Variants in B3GAT2 observed in about 807,000 individuals in gnomAD.
The protein encoded by B3GAT2 is beta-1,3-glucuronyltransferase 2.
In B3GAT2, 26 loss-of-function variants were observed where a neutral mutation model predicts 27.8. The observed-to-expected ratio is 0.93, with a 90% CI of 0.68 to 1.30. B3GAT2 has a LOEUF of 1.30. Among genes scored for constraint, B3GAT2 ranks in the 50% most tolerant of loss-of-function variants. B3GAT2 has a pLI of 0.00. For missense variants in B3GAT2, 458 were observed against 459.0 expected, an observed-to-expected ratio of 1.00 and a Z score of 0.02; for synonymous variants, 218 against 195.1, an observed-to-expected ratio of 1.12 and a Z score of -0.98.
At chr6:70,913,564 G>T (rs888317753) in intron 1 of B3GAT2, among the ~76,000 whole-genome samples, 1 of 152,088 alleles carries the variant, frequency 6.6e-6, no homozygotes, top group Non-Finnish European at 1.5e-5. Flanking sequence ...TGGTCCAAGA[G>T]TGTGGTTAGT....
At chr6:70,872,390 T>C (rs1333835437) in intron 2 of B3GAT2, among the ~76,000 whole-genome samples, 2 of 151,970 alleles carry the variant, frequency 1.3e-5, no homozygotes, top group Non-Finnish European at 2.9e-5. Context: ...TATATGTTTA[T>C]AGTTATATCT....
chr6:70,941,823 C>T (rs189676424), intron 1 of B3GAT2, among the ~76,000 whole-genome samples: 1 of 152,126 alleles, frequency 6.6e-6, no homozygotes, highest in Non-Finnish European at 1.5e-5. Flanking sequence ...AATAAGCATT[C>T]ACTGCATGCT....
At chr6:70,934,185 G>A (rs933180305) in intron 1 of B3GAT2, among the ~76,000 whole-genome samples, 21 of 152,204 alleles carry the variant, frequency 1.4e-4, no homozygotes, top group African/African-American at 5.1e-4. Context: ...GACTGGGAGT[G>A]CATGATACCT....
intron 1 of B3GAT2, among the ~76,000 whole-genome samples, chr6:70,948,010 G>T (rs2150052162): frequency 6.6e-6 from 1 of 151,960 alleles, no homozygotes; most frequent in South Asian, 2.1e-4. Context: ...TGCAGAAAAG[G>T]CCTTTGACAA....
chr6:70,911,310 T>A (rs1437052569), intron 1 of B3GAT2, among the ~76,000 whole-genome samples: 2 of 152,206 alleles, frequency 1.3e-5, no homozygotes, highest in Non-Finnish European at 1.5e-5. Context: ...CTTTAATACA[T>A]CTTGAGTTGA....
chr6:70,877,442 T>C (rs1036990653), intron 2 of B3GAT2, among the ~76,000 whole-genome samples: 9 of 152,224 alleles, frequency 5.9e-5, no homozygotes, highest in African/African-American at 2.2e-4. Flanking sequence ...GGGTTCTTCC[T>C]GGACATTTCC....
intron 1 of B3GAT2, among the ~76,000 whole-genome samples, chr6:70,912,560 T>C (rs1365299420): frequency 6.6e-6 from 1 of 152,152 alleles, no homozygotes; most frequent in Non-Finnish European, 1.5e-5. Context: ...TTTGCATCTA[T>C]GTTTGTCCAG....
intron 1 of B3GAT2, among the ~76,000 whole-genome samples, chr6:70,938,416 A>G (rs1765332565): frequency 2.0e-5 from 3 of 151,902 alleles, no homozygotes. Context: ...TAAAGTTTAT[A>G]TGGAACCATA....
chr6:70,895,113 G>A (rs1243735138), intron 1 of B3GAT2, among the ~76,000 whole-genome samples: 2 of 152,306 alleles, frequency 1.3e-5, no homozygotes, highest in South Asian at 2.1e-4. Context: ...CACACCCCAT[G>A]CTGGAGCCCA....
chr6:70,863,394 T>TA (rs1771797131), intron 2 of B3GAT2, among the ~76,000 whole-genome samples: 2 of 152,300 alleles, frequency 1.3e-5, no homozygotes, highest in South Asian at 4.1e-4. Flanking sequence ...CTAAGCCACT[T>TA]ACAAACATAA....
At chr6:70,879,908 T>A (rs1395740971) in intron 2 of B3GAT2, among the ~76,000 whole-genome samples, 1 of 152,098 alleles carries the variant, frequency 6.6e-6, no homozygotes, top group Non-Finnish European at 1.5e-5. Context: ...GGGGTGGGGA[T>A]GCCCAACCAT....
Position 70,917,053 on chromosome 6 carries a change from T to C in B3GAT2, c.592-22781A>G, listed in dbSNP as rs540927662. 3.9e-5 allele frequency among the ~76,000 whole-genome samples: 6 copies of C among 152,344 alleles called. 1 individual carries two copies. In the South Asian group the frequency reaches 1.0e-3, roughly 26 times the overall value. On this transcript the variant is annotated intron_variant, in intron 1 of 3. Coordinates refer to ENST00000230053, the MANE Select transcript of B3GAT2 (RefSeq NM_080742.3). ...TGGACTTTTTTTGGTTGGTTGGCTA[T>C]TAATTATTGCCTCAATTTCAGAAGC...
At chr6:70,882,369 C>T (rs946361724) in intron 2 of B3GAT2, among the ~76,000 whole-genome samples, 3 of 151,974 alleles carry the variant, frequency 2.0e-5, no homozygotes, top group Non-Finnish European at 2.9e-5. Context: ...GGCATGGTGG[C>T]GGGTGCCTGT....
chr6:70,879,352 C>T (rs1160787158), intron 2 of B3GAT2, among the ~76,000 whole-genome samples: 1 of 152,130 alleles, frequency 6.6e-6, no homozygotes, highest in African/African-American at 2.4e-5. Context: ...TTCAGTGTTA[C>T]AGAAAAAAAC....
intron 2 of B3GAT2, among the ~76,000 whole-genome samples, chr6:70,888,512 A>G (rs1582354742): frequency 6.6e-6 from 1 of 152,154 alleles, no homozygotes; most frequent in Non-Finnish European, 1.5e-5. Flanking sequence ...TAGCTGTGGT[A>G]TTTAAGACCT....
In B3GAT2 at chr6:70,860,944, A is replaced by T; in HGVS notation, c.*719T>A. On this transcript the variant is annotated 3_prime_UTR_variant, in exon 4 of 4. Transcript: ENST00000230053. ...TGAATGCTTAAAGAATTCAAATTTT[A>T]TCTGCCTCTCTTGTAATTTGGATCT... The T allele has an allele frequency of 2.7e-6, 1 of 365,418 alleles. No homozygotes were observed. Among genetic ancestry groups the T allele is most frequent in the Admixed American group, 4.6e-5 (1 of 21,650 alleles). 22.6% of individuals were successfully genotyped at this position (365,418 alleles called of 1,614,324 possible). A position where few individuals can be genotyped will look rare whatever the true frequency, so the allele number is the denominator to read the frequency against.
intron 1 of B3GAT2, among the ~76,000 whole-genome samples, chr6:70,929,095 C>A (rs1345399248): frequency 6.6e-6 from 1 of 151,678 alleles, no homozygotes; most frequent in Non-Finnish European, 1.5e-5. Flanking sequence ...TCATTCTCAG[C>A]AAACTATCGC....
chr6:70,888,008 A>G (rs1425233198), intron 2 of B3GAT2, among the ~76,000 whole-genome samples: 1 of 152,242 alleles, frequency 6.6e-6, no homozygotes, highest in Non-Finnish European at 1.5e-5. Context: ...TAGCCCCTGA[A>G]GAGCTATGAG....
At chr6:70,926,248 T>C (rs1772955388) in intron 1 of B3GAT2, among the ~76,000 whole-genome samples, 1 of 151,462 alleles carries the variant, frequency 6.6e-6, no homozygotes, top group Non-Finnish European at 1.5e-5. Context: ...CCAAAAATTT[T>C]AAAAATCAGA....
Sources: allele counts gnomAD v4.1 joint callset (sites outside exome capture counted in the v4.1 genomes callset), GRCh38; gene constraint gnomAD v4.1.1; transcripts MANE v1.5; gene names NCBI Gene and HGNC (gene_info 2026-07-23, HGNC 2026-07-21).